The following AVIL variants were observed in gnomAD, a reference collection of about 807,000 sequenced individuals.
AVIL encodes advillin.
A neutral mutation model predicts 109.9 loss-of-function variants in AVIL; 78 were observed. That is an observed-to-expected ratio of 0.71 (90% confidence interval 0.59 to 0.86). AVIL has a LOEUF of 0.86. Among genes scored for constraint, AVIL ranks in the 40% least tolerant of loss-of-function variants. AVIL has a pLI of 0.00. For synonymous variants in AVIL, 367 were observed against 379.1 expected (o/e 0.97, Z 0.37); for missense variants, 892 against 1,016.5 (o/e 0.88, Z 1.67).
At chr12:57,807,872 A>C in intron 11 of AVIL, 145 bp from the exon 12 acceptor site, 4 of 1,162,228 alleles carry the variant, frequency 3.4e-6, no homozygotes, top group Non-Finnish European at 2.5e-6. Flanking sequence ...AGTGCTGAGG[A>C]CTCATCACAT....
chr12:57,808,383 G>A lies in AVIL; in HGVS notation c.1093+12C>T, dbSNP rs577914064. On this transcript the variant is annotated intron_variant, in intron 10 of 19. Coordinates refer to ENST00000549994, the MANE Select transcript of AVIL (RefSeq NM_006576.4). ...TCTTAGCAATGAGAGGATGATCTGG[G>A]GGCAGTCTCACCAATTTTACCAATG... 60 of 1,614,128 alleles carry A rather than the reference G, an allele frequency of 3.7e-5. No homozygotes were observed. In the Admixed American group the frequency reaches 7.8e-4, roughly 21 times the overall value.
chr12:57,808,465 C>A lies in AVIL; in HGVS notation c.1023G>T (p.Gln341His). 1.9e-6 allele frequency: 3 copies of A among 1,614,186 alleles called. No individual in the cohort carries two copies. Among genetic ancestry groups the A allele is most frequent in the Non-Finnish European group, 2.5e-6 (3 of 1,180,012 alleles). ...CCTTTACTGACCACTTCTGGAACAGCTGCTTGAACATGGCCGACTCAGCAC... is the reference window on the plus strand; with the variant it reads ...CCTTTACTGACCACTTCTGGAACAGATGCTTGAACATGGCCGACTCAGCAC... ...NDGAESAMFK[Q>H]LFQKWSVKDQ... The change falls in exon 10 of 20, where the codon CAG (glutamine) becomes CAT (histidine). Residue 341 changes from glutamine (Q) to histidine (H), a missense_variant. Physicochemically the swap from Gln to His is conservative, Grantham distance 24 (BLOSUM62 0). Coordinates refer to ENST00000549994, the MANE Select transcript of AVIL (RefSeq NM_006576.4).
intron 3 of AVIL, 100 bp downstream of exon 3, chr12:57,814,052 C>G (rs1956071221): frequency 7.9e-7 from 1 of 1,271,974 alleles, no homozygotes; most frequent in Non-Finnish European, 1.1e-6. Context: ...GAGACCGATA[C>G]CAGGGACTGA....
At chr12:57,802,068 T>G in intron 17 of AVIL, 92 bp downstream of exon 17, 1 of 1,417,586 alleles carries the variant, frequency 7.1e-7, no homozygotes, top group Non-Finnish European at 9.7e-7. Context: ...CTGGTTTCAC[T>G]GAGCCGTGAA....
At chr12:57,804,496 GGTAAGT>G (rs1364701511) in intron 14 of AVIL, 2 of 152,158 alleles carry the variant, frequency 1.3e-5, no homozygotes, top group African/African-American at 4.8e-5. Context: ...TGGATCATAC[GGTAAGT>G]GTATGTTTAA....
Position 57,806,398 on chromosome 12 carries a change from G to C in AVIL, c.1633C>G (p.Leu545Val), listed in dbSNP as rs367636607. 140 of 1,613,998 alleles carry C rather than the reference G, an allele frequency of 8.7e-5. No homozygotes were observed. Among genetic ancestry groups the C allele is most frequent in the Non-Finnish European group, 9.8e-5 (116 of 1,180,026 alleles). ...SSLNSNDVFL[L>V]RTQAEHYLWY... ...AGGTAGTGCTCTGCCTGAGTTCGCAGCAGAAAGACATCATTGGAGTTTAGG... is the reference window on the plus strand; with the variant it reads ...AGGTAGTGCTCTGCCTGAGTTCGCACCAGAAAGACATCATTGGAGTTTAGG... The change falls in exon 14 of 20, where the codon CTG (leucine) becomes GTG (valine). Residue 545 changes from leucine to valine, a missense_variant. Leu to Val is a conservative substitution (Grantham distance 32). Transcript: ENST00000549994.
chr12:57,816,443 G>C (rs1956101876), intron 1 of AVIL: 2 of 172,256 alleles, frequency 1.2e-5, no homozygotes, highest in African/African-American at 4.8e-5. Context: ...GTTTGCAAAG[G>C]CTGAATAACT....
chr12:57,818,181 G>GTTTTTTTTTTT, intron 1 of AVIL, among the ~76,000 whole-genome samples: 1 of 59,384 alleles, frequency 1.7e-5, no homozygotes, highest in African/African-American at 5.3e-5. Flanking sequence ...ACCATGCTTG[G>GTTTTTTTTTTT]CTTTTTTTTT....
intron 3 of AVIL, among the ~76,000 whole-genome samples, chr12:57,813,927 G>A (rs917244952): frequency 2.0e-5 from 3 of 152,174 alleles, no homozygotes; most frequent in Non-Finnish European, 4.4e-5. Context: ...GCTCACTGAG[G>A]TTCAGACTGA....
intron 14 of AVIL, among the ~76,000 whole-genome samples, chr12:57,804,859 C>T (rs2034575281): frequency 6.6e-6 from 1 of 151,872 alleles, no homozygotes; most frequent in Non-Finnish European, 1.5e-5. Context: ...TTTCCAGAAG[C>T]TGTACCATTT....
At chr12:57,815,851 G>C in intron 2 of AVIL, 124 bp downstream of exon 2, 3 of 1,550,960 alleles carry the variant, frequency 1.9e-6, no homozygotes, top group Middle Eastern at 2.2e-4. Context: ...CTTTGATGCT[G>C]CCTCTCATTC....
At chr12:57,801,639 C>G (rs1955850311) in intron 17 of AVIL, among the ~76,000 whole-genome samples, 1 of 152,060 alleles carries the variant, frequency 6.6e-6, no homozygotes, top group Non-Finnish European at 1.5e-5. Context: ...ACTTGGGAGG[C>G]TGAGGCAGGA....
In AVIL at chr12:57,810,479, C is replaced by T. The variant is rs766498172; in HGVS notation, c.631G>A (p.Asp211Asn). The change falls in exon 7 of 20, where the codon GAC (aspartate) becomes AAC (asparagine). Residue 211 changes from aspartate (D) to asparagine (N), a missense_variant. Physicochemically the swap from Asp to Asn is conservative, Grantham distance 23. Transcript: ENST00000549994. ...GRAKIGVIEGDKEAASPELMK... is the reference protein window; with the variant it reads ...GRAKIGVIEGNKEAASPELMK... ...AGCTCTGGGCTGGCTGCCTCCTTGTCTCCCTCGATCACTCCTATTTTAGCA... is the reference window on the plus strand; with the variant it reads ...AGCTCTGGGCTGGCTGCCTCCTTGTTTCCCTCGATCACTCCTATTTTAGCA... 7 of 1,614,054 alleles carry T rather than the reference C, an allele frequency of 4.3e-6. No homozygotes were observed. The highest frequency in any genetic ancestry group is 5.9e-6 in the Non-Finnish European group (7 of 1,180,036).
intron 3 of AVIL, 21 bp from the exon 4 acceptor site, chr12:57,813,444 T>C: frequency 6.2e-7 from 1 of 1,609,424 alleles, no homozygotes; most frequent in Non-Finnish European, 8.5e-7. Flanking sequence ...GTCAGAGAGA[T>C]CAGGTCAGAG....
intron 9 of AVIL, chr12:57,809,003 G>T: frequency 5.7e-6 from 1 of 174,724 alleles, no homozygotes; most frequent in Non-Finnish European, 1.2e-5. Context: ...GAACTGTTCT[G>T]AGTGCTTTTT....
rs375180300 is a variant in AVIL at position 57,814,211 on chromosome 12, G to A, written c.82C>T (p.Leu28=). 48 of 1,613,030 alleles carry A rather than the reference G, an allele frequency of 3.0e-5. No individual in the cohort carries two copies. In the East Asian group the frequency reaches 9.6e-4, roughly 32 times the overall value. ...VWRIEKMELA[L]VPVSAHGNFY... The stretch of plus-strand genomic sequence containing the variant: ...TTGCCGTGGGCGCTCACAGGCACCA[G>A]CGCCAGCTCCATTTTCTGGAAGGAC... Residue 28 remains leucine (L), a synonymous_variant, in exon 3 of 20, where the codon CTG becomes TTG. Transcript: ENST00000549994.
At chr12:57,804,295 C>A (rs1955907195) in intron 14 of AVIL, 1 of 152,240 alleles carries the variant, frequency 6.6e-6, no homozygotes, top group Admixed American at 6.5e-5. Flanking sequence ...GTTGGGTTTA[C>A]CAGCGCGCTG....
At chr12:57,801,078 A>G (rs761509126) in intron 18 of AVIL, 66 bp downstream of exon 18, 205 of 1,355,202 alleles carry the variant, frequency 1.5e-4, no homozygotes, top group Non-Finnish European at 2.0e-4. Flanking sequence ...CATCTGTAGC[A>G]TTTGTGTGTT....
chr12:57,809,600 C>T lies in AVIL; in HGVS notation c.936G>A (p.Ala312=), dbSNP rs138804144. Residue 312 remains alanine, a synonymous_variant, in exon 9 of 20, where the codon GCG becomes GCA. Transcript: ENST00000549994. The stretch of plus-strand genomic sequence containing the variant: ...ATTGCACATCTGTAGCTCCTACCAG[C>T]GCTTTAGACATGGCTGCCTGTTTTT... ...KAEKQAAMSK[A]LGFIKMKSYP... 4.2e-5 allele frequency: 67 copies of T among 1,614,112 alleles called. No individual in the cohort carries two copies. The Middle Eastern group carries it at 8.2e-4, about 20-fold the overall frequency.
Sources: allele counts gnomAD v4.1 joint callset (sites outside exome capture counted in the v4.1 genomes callset), GRCh38; gene constraint gnomAD v4.1.1; transcripts MANE v1.5; gene names NCBI Gene and HGNC (gene_info 2026-07-23, HGNC 2026-07-21).